Variants in PDE4D observed in about 807,000 individuals in gnomAD.
The protein encoded by PDE4D is 3',5'-cyclic-AMP phosphodiesterase 4D.
In PDE4D, 24 loss-of-function variants were observed where a neutral mutation model predicts 87.4. The observed-to-expected ratio is 0.27, with a 90% CI of 0.20 to 0.39. The LOEUF (loss-of-function observed/expected upper bound fraction) is 0.39. Ranked by LOEUF, PDE4D falls within the 10% of genes least tolerant of loss-of-function variation. The pLI, the probability that PDE4D is intolerant of heterozygous loss-of-function variation, is 1.00. For missense variants in PDE4D, 714 were observed against 1,041.0 expected, an observed-to-expected ratio of 0.69 and a Z score of 4.32; for synonymous variants, 384 against 383.2, an observed-to-expected ratio of 1.00 and a Z score of -0.02.
intron 1 of PDE4D, among the ~76,000 whole-genome samples, chr5:59,319,158 ATATGTGTGTGTGTG>A (rs1774256022): frequency 8.2e-6 from 1 of 121,582 alleles, no homozygotes; most frequent in African/African-American, 3.7e-5. Flanking sequence ...GAGTACATAT[ATATGTGTGTGTGTG>A]TGTGTGTGTG....
chr5:59,102,854 C>T (rs886073512), intron 5 of PDE4D, among the ~76,000 whole-genome samples: 18 of 152,150 alleles, frequency 1.2e-4, no homozygotes, highest in African/African-American at 4.3e-4. Flanking sequence ...AAAGAAGACA[C>T]TTGGTCAGTA....
intron 1 of PDE4D, among the ~76,000 whole-genome samples, chr5:59,783,908 A>T (rs1764877565): frequency 6.6e-6 from 1 of 152,032 alleles, no homozygotes; most frequent in African/African-American, 2.4e-5. Flanking sequence ...CTCTACAAAA[A>T]ATTAGTGGGT....
chr5:59,382,941 C>T (rs532667548), intron 1 of PDE4D, among the ~76,000 whole-genome samples: 10 of 152,230 alleles, frequency 6.6e-5, no homozygotes, highest in Non-Finnish European at 1.2e-4. Flanking sequence ...ATATTGCCTT[C>T]ACACCATCCT....
At chr5:60,014,768 T>C (rs1296403545) in intron 2 of PDE4D, among the ~76,000 whole-genome samples, 1 of 152,084 alleles carries the variant, frequency 6.6e-6, no homozygotes, top group Non-Finnish European at 1.5e-5. Flanking sequence ...CAGGACAAAA[T>C]GAAAAGAAGA....
intron 3 of PDE4D, among the ~76,000 whole-genome samples, chr5:59,980,775 G>T (rs1761845131): frequency 6.6e-6 from 1 of 152,148 alleles, no homozygotes; most frequent in South Asian, 2.1e-4. Context: ...TAAATTGAAG[G>T]CATGGCAGAT....
intron 1 of PDE4D, chr5:60,430,280 G>C (rs751091946): frequency 2.0e-4 from 97 of 489,058 alleles, no homozygotes; most frequent in Non-Finnish European, 3.5e-4. Context: ...GAGCCATTCT[G>C]CCGGGCCCAA....
At chr5:59,213,903 T>C (rs1750638074) in intron 2 of PDE4D, among the ~76,000 whole-genome samples, 1 of 152,076 alleles carries the variant, frequency 6.6e-6, no homozygotes, top group Admixed American at 6.6e-5. Flanking sequence ...TCATGTTTTC[T>C]ACTCTCTGCC....
At chr5:60,112,805 C>T (rs961583656) in intron 2 of PDE4D, among the ~76,000 whole-genome samples, 5 of 152,014 alleles carry the variant, frequency 3.3e-5, no homozygotes, top group South Asian at 2.1e-4. Flanking sequence ...GTAGAGAACA[C>T]AGAGGAGAAT....
At chr5:59,938,674 G>T (rs926575950) in intron 3 of PDE4D, among the ~76,000 whole-genome samples, 1 of 152,116 alleles carries the variant, frequency 6.6e-6, no homozygotes, top group Non-Finnish European at 1.5e-5. Context: ...CTGGGCACAC[G>T]TTCATACATA....
Position 60,317,825 on chromosome 5 carries a change from T to C in PDE4D, c.-89-132138A>G, listed in dbSNP as rs1755785043. Among the ~76,000 whole-genome samples the C allele has an allele frequency of 2.6e-5, 4 of 152,312 alleles. No individual in the cohort carries two copies. In the South Asian group the frequency reaches 8.3e-4, roughly 32 times the overall value. ...GAGTGAGTTTCTTAATCCTGAGTTCTGATTTGATTGCACTGTGGTCTGAAA... is the reference window on the plus strand; with the variant it reads ...GAGTGAGTTTCTTAATCCTGAGTTCCGATTTGATTGCACTGTGGTCTGAAA... On this transcript the variant is annotated intron_variant, in intron 1 of 16. Transcript: ENST00000502484.
chr5:60,509,240 A>C lies in PDE4D; in HGVS notation n.70+12811T>G, dbSNP rs548051814. Among the ~76,000 whole-genome samples the C allele has an allele frequency of 9.8e-5, 15 of 152,294 alleles. No individual in the cohort carries two copies. The South Asian group carries it at 3.1e-3, about 32-fold the overall frequency. ...TCACATGACAAAATCACCAGTGAAA[A>C]ACACAAGAATTCAAAAACACAGCAT... On this transcript the variant is annotated intron_variant and non_coding_transcript_variant, in intron 1 of 2. Transcript: ENST00000506510.
chr5:59,526,166 C>T (rs1813089763), intron 1 of PDE4D, among the ~76,000 whole-genome samples: 2 of 152,136 alleles, frequency 1.3e-5, no homozygotes, highest in South Asian at 4.1e-4. Flanking sequence ...ACAGGGCAAG[C>T]AGTCCTAGGA....
At chr5:59,455,442 T>C (rs1204139910) in intron 1 of PDE4D, among the ~76,000 whole-genome samples, 2 of 152,214 alleles carry the variant, frequency 1.3e-5, no homozygotes, top group Admixed American at 6.5e-5. Context: ...AAGTCAAGAA[T>C]TGAGGTTTGG....
At chr5:58,985,650 T>A (rs940852682) in intron 11 of PDE4D, among the ~76,000 whole-genome samples, 7 of 152,260 alleles carry the variant, frequency 4.6e-5, no homozygotes, top group African/African-American at 1.7e-4. Context: ...ATGAGAAATA[T>A]GGATTCAGCT....
chr5:59,319,124 T>C (rs1425195455), intron 1 of PDE4D, among the ~76,000 whole-genome samples: 1 of 151,612 alleles, frequency 6.6e-6, no homozygotes, highest in East Asian at 1.9e-4. Flanking sequence ...ATCCTTAAAC[T>C]ACATGCTAAT....
chr5:59,108,578 A>G (rs1772016759), intron 5 of PDE4D, among the ~76,000 whole-genome samples: 1 of 152,146 alleles, frequency 6.6e-6, no homozygotes, highest in South Asian at 2.1e-4. Context: ...AACCTAGGAC[A>G]GTGTTTCTCA....
intron 1 of PDE4D, among the ~76,000 whole-genome samples, chr5:59,251,677 C>T (rs1352454432): frequency 6.6e-6 from 1 of 152,030 alleles, no homozygotes; most frequent in African/African-American, 2.4e-5. Flanking sequence ...TATTACTGGG[C>T]ATATTCCCAG....
intron 1 of PDE4D, among the ~76,000 whole-genome samples, chr5:59,833,696 ATGTGTGGT>A (rs1741590090): frequency 6.6e-6 from 1 of 151,804 alleles, no homozygotes; most frequent in Non-Finnish European, 1.5e-5. Context: ...TGTGTGTGGT[ATGTGTGGT>A]GTGTTGCAGG....
At chr5:59,887,738 TTTG>T (rs1750375290) in intron 1 of PDE4D, among the ~76,000 whole-genome samples, 3 of 151,968 alleles carry the variant, frequency 2.0e-5, no homozygotes, top group African/African-American at 7.2e-5. Flanking sequence ...TGTGTGTGTG[TTTG>T]TGTGTGTGTG....
Sources: gnomAD v4.1 joint callset for allele counts (sites outside exome capture counted in the v4.1 genomes callset) on GRCh38, gnomAD v4.1.1 for gene constraint, MANE v1.5 for transcripts, NCBI Gene and HGNC (gene_info 2026-07-23, HGNC 2026-07-21) for gene names.